HERC2: variants seen among roughly 807,000 people sequenced by gnomAD.
HERC2 encodes the protein HECT and RLD domain containing E3 ubiquitin protein ligase 2.
Under a neutral mutation model 537.7 loss-of-function variants are expected in HERC2, and 102 were observed. The ratio of observed to expected loss-of-function variants is 0.19; its 90% CI spans 0.16 to 0.22. HERC2 has a LOEUF of 0.22. Among genes scored for constraint, HERC2 ranks in the 10% least tolerant of loss-of-function variants. The probability of loss-of-function intolerance (pLI) is 1.00; values close to 1 mark genes in which losing one functional copy is unlikely to be tolerated. For missense variants in HERC2, 4,236 were observed against 6,198.2 expected, an observed-to-expected ratio of 0.68 and a Z score of 10.63; for synonymous variants, 2,224 against 2,466.2, an observed-to-expected ratio of 0.90 and a Z score of 2.91.
Position 28,260,849 on chromosome 15 carries a change from G to C in HERC2, c.2244C>G (p.Thr748=). ...QCQHFDTLRV[T]KPEPAALPGL... The stretch of plus-strand genomic sequence containing the variant: ...CTGGCAATGCTGCAGGTTCTGGCTT[G>C]GTCACGCGCAAGGTGTCAAAGTGCT... Residue 748 remains threonine (T), a synonymous_variant, in exon 16 of 93, where the codon ACC becomes ACG. Transcript: ENST00000261609. 2 of 1,614,224 alleles carry C rather than the reference G, an allele frequency of 1.2e-6. No homozygotes were observed. Among genetic ancestry groups the C allele is most frequent in the Non-Finnish European group, 1.7e-6 (2 of 1,180,048 alleles).
intron 44 of HERC2, among the ~76,000 whole-genome samples, chr15:28,210,678 T>C (rs1392167870): frequency 6.6e-6 from 1 of 151,914 alleles, no homozygotes; most frequent in African/African-American, 2.4e-5. Flanking sequence ...AGGCTCTATT[T>C]CTTTGGTCTG....
intron 37 of HERC2, among the ~76,000 whole-genome samples, chr15:28,220,034 G>C (rs1900352690): frequency 6.6e-6 from 1 of 152,172 alleles, no homozygotes; most frequent in Non-Finnish European, 1.5e-5. Flanking sequence ...GGTGGCAGGT[G>C]GGGTGTGCTT....
At chr15:28,203,483 G>C (rs566934177) in intron 45 of HERC2, 1 of 152,102 alleles carries the variant, frequency 6.6e-6, no homozygotes, top group Non-Finnish European at 1.5e-5. Flanking sequence ...TCTGATAATT[G>C]AGAGTTAGGA....
chr15:28,228,719 G>C (rs1901513160), intron 34 of HERC2, among the ~76,000 whole-genome samples: 1 of 152,254 alleles, frequency 6.6e-6, no homozygotes. Flanking sequence ...GGGCAGCTCT[G>C]TCATGCTGCA....
At chr15:28,139,777 T>C (rs11857135) in intron 78 of HERC2, among the ~76,000 whole-genome samples, 127,020 of 151,976 alleles carry the variant, frequency 0.84, 57,210 homozygotes, top group Non-Finnish European at 0.99. Flanking sequence ...TTAGAAAACA[T>C]TGGCCGGGCA....
In HERC2 at chr15:28,248,749, G is replaced by T. The variant is rs1054650681; in HGVS notation, c.3051-13C>A. On this transcript the variant is annotated splice_polypyrimidine_tract_variant and intron_variant, in intron 20 of 92. Transcript: ENST00000261609. ...AGAAGCAATGTTTCTATACAGGAAA[G>T]AAGAGGATTACAAAATTAAACAAGA... is the stretch of plus-strand genomic sequence containing the variant. 11 of 1,596,310 alleles carry T rather than the reference G, an allele frequency of 6.9e-6. No individual in the cohort carries two copies. The highest frequency in any genetic ancestry group is 9.4e-6 in the Non-Finnish European group (11 of 1,168,646).
chr15:28,117,043 G>T lies in HERC2; in HGVS notation c.13384C>A (p.Pro4462Thr). The T allele has an allele frequency of 1.2e-6, 2 of 1,614,192 alleles. No homozygotes were observed. The highest frequency in any genetic ancestry group is 1.7e-6 in the Non-Finnish European group (2 of 1,180,040). ...AACTTGACTTTCCAGACACGGTGAGGAAGGAGGAGGCTGTCGGGACCAAAC... is the reference window on the plus strand; with the variant it reads ...AACTTGACTTTCCAGACACGGTGAGTAAGGAGGAGGCTGTCGGGACCAAAC... ...SSFGPDSLLL[P>T]HRVWKVKFVG... The change falls in exon 87 of 93, where the codon CCT (proline) becomes ACT (threonine). Residue 4462 changes from proline to threonine, a missense_variant. Physicochemically the swap from Pro to Thr is conservative, Grantham distance 38 (BLOSUM62 -1). Around this residue, in one of 27 missense-constraint regions of HERC2, gnomAD observed 29 missense variants for 102.1 expected, o/e 0.28. Coordinates refer to ENST00000261609, the MANE Select transcript of HERC2 (RefSeq NM_004667.6).
At chr15:28,315,032 T>C (rs927235786) in intron 2 of HERC2, among the ~76,000 whole-genome samples, 16 of 152,230 alleles carry the variant, frequency 1.1e-4, no homozygotes, top group South Asian at 4.1e-4. Flanking sequence ...TGGTGCTTTA[T>C]AGAAAAAATG....
intron 69 of HERC2, among the ~76,000 whole-genome samples, chr15:28,158,292 G>A (rs1566954041): frequency 6.6e-6 from 1 of 152,162 alleles, no homozygotes; most frequent in Non-Finnish European, 1.5e-5. Context: ...GGATATCCTT[G>A]TTAACTTTCT....
At chr15:28,314,887 T>A (rs1377331070) in intron 2 of HERC2, among the ~76,000 whole-genome samples, 1 of 151,466 alleles carries the variant, frequency 6.6e-6, no homozygotes, top group African/African-American at 2.4e-5. Flanking sequence ...AAATCATATG[T>A]CAACACATGA....
At position 28,265,988 on chromosome 15, in the gene HERC2, G is replaced by A. The variant is rs373382807; in HGVS notation, c.1599-14C>T. On this transcript the variant is annotated splice_polypyrimidine_tract_variant and intron_variant, in intron 12 of 92. Transcript: ENST00000261609. This position sits in a 1 kb window ranked among gnomAD's most constrained non-coding sequence, Gnocchi z 4.0. ...TCCTCCAAAGGCCTTGGGGAGAAAGGGAACAAACATGAATGCCCTTCTTCT... is the reference window on the plus strand; with the variant it reads ...TCCTCCAAAGGCCTTGGGGAGAAAGAGAACAAACATGAATGCCCTTCTTCT... 6.8e-6 allele frequency: 11 copies of A among 1,612,162 alleles called. No homozygotes were observed. The highest frequency in any genetic ancestry group is 8.5e-6 in the Non-Finnish European group (10 of 1,178,944).
chr15:28,229,913 T>G, intron 31 of HERC2, 66 bp from the exon 32 acceptor site: 1 of 852,138 alleles, frequency 1.2e-6, no homozygotes, highest in Non-Finnish European at 1.9e-6. Flanking sequence ...GCTCTAAAAG[T>G]TATTCAAGTA....
rs2075181583 is a variant in HERC2, at chr15:28,254,273, ACT to A, written c.3050+65_3050+66del. 13 of 1,170,722 alleles carry A rather than the reference ACT, an allele frequency of 1.1e-5. No homozygotes were observed. In the Middle Eastern group the frequency reaches 2.2e-3, roughly 200 times the overall value. The allele number at this position is 1,170,722 out of a possible 1,614,324, so 72.5% of individuals were successfully genotyped here. On this transcript the variant is annotated intron_variant, in intron 20 of 92. Coordinates refer to ENST00000261609, the MANE Select transcript of HERC2 (RefSeq NM_004667.6). ...ACTCCGGCCTGGGCAACAAGAGCGA[ACT>A]CTGTCACACACACAAAAAAAAGTAA...
At position 28,251,880 on chromosome 15, in the gene HERC2, A is replaced by G. The variant is rs539608094; in HGVS notation, c.3050+2460T>C. Among the ~76,000 whole-genome samples, 93 of 152,340 alleles carry G rather than the reference A, an allele frequency of 6.1e-4. 2 individuals are homozygous for G. The highest frequency in any genetic ancestry group is 2.1e-3 in the African/African-American group (86 of 41,588). On this transcript the variant is annotated intron_variant, in intron 20 of 92. Transcript: ENST00000261609. ...ATTACCATTTCAACATGATATCACT[A>G]TAAGAAAAATTATTGAGATATTTTA... is the stretch of plus-strand genomic sequence containing the variant.
intron 35 of HERC2, 73 bp downstream of exon 35, chr15:28,228,135 AAAAAAAAAAG>A (rs1057442940): frequency 7.8e-7 from 1 of 1,285,262 alleles, no homozygotes; most frequent in South Asian, 1.4e-5. Context: ...GCTTTAAAAA[AAAAAAAAAAG>A]AAAAGAAAAG....
intron 31 of HERC2, 131 bp downstream of exon 31, chr15:28,230,236 A>G: frequency 1.1e-6 from 1 of 876,254 alleles, no homozygotes; most frequent in Non-Finnish European, 1.9e-6. Flanking sequence ...AAGTTCATGA[A>G]GCATCACTGG....
At position 28,316,808 on chromosome 15, in the gene HERC2, C is replaced by T. The variant is rs1403595581; in HGVS notation, c.72+4554G>A. ...TTTTATTTTTTTTGAGACGGATTCT[C>T]GCTCTCTCACCAGGCTGTAGTGCAG... On this transcript the variant is annotated intron_variant, in intron 2 of 92. Transcript: ENST00000261609. Among the ~76,000 whole-genome samples the T allele has an allele frequency of 6.6e-5, 10 of 152,264 alleles. No homozygotes were observed. In the East Asian group the frequency reaches 1.3e-3, roughly 21 times the overall value.
chr15:28,179,277 G>A (rs2140173141), intron 57 of HERC2, 54 bp from the exon 58 acceptor site: 4 of 1,334,024 alleles, frequency 3.0e-6, no homozygotes, highest in Admixed American at 4.1e-5. Flanking sequence ...TTACTTGCAT[G>A]TTTAAAATTA....
intron 74 of HERC2, among the ~76,000 whole-genome samples, chr15:28,143,380 A>G (rs1891420003): frequency 6.6e-6 from 1 of 152,158 alleles, no homozygotes; most frequent in South Asian, 2.1e-4. Flanking sequence ...TCAAAGTCCA[A>G]CTTGAACTCA....
Sources: allele counts gnomAD v4.1 joint callset (sites outside exome capture counted in the v4.1 genomes callset), GRCh38; gene constraint gnomAD v4.1.1; regional missense constraint gnomAD v4.1.1; non-coding constraint Gnocchi (gnomAD v3.1); transcripts MANE v1.5; gene names NCBI Gene and HGNC (gene_info 2026-07-23, HGNC 2026-07-21).